Variants in ZNF236 observed in about 807,000 individuals in gnomAD.
The protein encoded by ZNF236 is zinc finger protein 236, also known as regulated by glucose.
Under a neutral mutation model 191.2 loss-of-function variants are expected in ZNF236, and 50 were observed. That is an observed-to-expected ratio of 0.26 (90% CI 0.21 to 0.33). The LOEUF is 0.33. Among genes scored for constraint, ZNF236 ranks in the 10% least tolerant of loss-of-function variants. The pLI is 1.00. For synonymous variants in ZNF236, 907 were observed against 928.8 expected (o/e 0.98, Z 0.43); for missense variants, 1,754 against 2,374.5 (o/e 0.74, Z 5.43).
intron 1 of ZNF236, chr18:76,834,469 C>CATCTGCT: frequency 2.6e-6 from 1 of 391,226 alleles, no homozygotes; most frequent in Non-Finnish European, 5.0e-6. Flanking sequence ...CTTATATTTG[C>CATCTGCT]CCTTTTACTT....
Position 76,928,040 on chromosome 18 carries a change from C to A in ZNF236, c.4528C>A (p.Gln1510Lys). Residue 1510 changes from glutamine (Q) to lysine (K), a missense_variant, in exon 25 of 31, where the codon CAG (glutamine) becomes AAG (lysine). By Grantham distance (53) the Gln-to-Lys change is moderately conservative. Transcript: ENST00000320610. Reference sequence around the variant, plus strand: ...CTCCAGCCTGAGCCAGGTCCTGGCACAGGCCGCTGGGCCCACTGCCACGTC... The same window carrying A: ...CTCCAGCCTGAGCCAGGTCCTGGCAAAGGCCGCTGGGCCCACTGCCACGTC... ...NNSSLSQVLA[Q>K]AAGPTATSSS... 6.2e-7 allele frequency: 1 copy of A among 1,614,008 alleles called. No individual in the cohort carries two copies. Among genetic ancestry groups the A allele is most frequent in the South Asian group, 1.1e-5 (1 of 91,072 alleles).
chr18:76,908,955 GTGTGTGTC>G (rs1599384357), intron 14 of ZNF236, among the ~76,000 whole-genome samples: 3 of 89,796 alleles, frequency 3.3e-5, no homozygotes, highest in Admixed American at 1.5e-4. Context: ...GTGTGTGTAT[GTGTGTGTC>G]TGTGTGTGTG....
In ZNF236 at chr18:76,956,088, TGCTCATGCACC is replaced by T; in HGVS notation, c.5019_5029del (p.Leu1674GlnfsTer48). 6.3e-7 allele frequency: 1 copy of T among 1,592,934 alleles called. No individual in the cohort carries two copies. Among genetic ancestry groups the T allele is most frequent in the Non-Finnish European group, 8.5e-7 (1 of 1,170,848 alleles). On this transcript the variant is annotated frameshift_variant, in exon 28 of 31. Transcript: ENST00000320610. LOFTEE classifies it high-confidence loss of function. ...GACCGCGCCTTCTCATCGGCGGCGG[TGCTCATGCACC>T]ACAGCAAGGAGGTGCATGGCCGGGA...
intron 3 of ZNF236, among the ~76,000 whole-genome samples, chr18:76,856,411 C>G (rs146035322): frequency 0.018 from 2,673 of 152,192 alleles, 31 homozygotes; most frequent in Middle Eastern, 0.02. Flanking sequence ...TCAAACTCCT[C>G]ACCTCAGGTG....
chr18:76,914,083 C>A (rs919887660), intron 18 of ZNF236, among the ~76,000 whole-genome samples, 185 bp downstream of exon 18: 1 of 152,194 alleles, frequency 6.6e-6, no homozygotes, highest in Non-Finnish European at 1.5e-5. Context: ...ATAAAAGAAA[C>A]TCTGTACCCA....
intron 1 of ZNF236, among the ~76,000 whole-genome samples, chr18:76,835,697 C>T (rs899696632): frequency 3.9e-5 from 6 of 152,114 alleles, no homozygotes; most frequent in Non-Finnish European, 5.9e-5. Flanking sequence ...ATATCTCTTG[C>T]AAGCAGCCTA....
intron 27 of ZNF236, among the ~76,000 whole-genome samples, chr18:76,954,401 C>G (rs1302567490): frequency 6.6e-6 from 1 of 152,176 alleles, no homozygotes; most frequent in African/African-American, 2.4e-5. Context: ...TTAGGTCGCT[C>G]CATAACTACA....
chr18:76,905,181 A>G lies in ZNF236; in HGVS notation c.2063A>G (p.Lys688Arg). 1.2e-6 allele frequency: 2 copies of G among 1,613,822 alleles called. No homozygotes were observed. The highest frequency in any genetic ancestry group is 1.7e-5 in the Admixed American group (1 of 59,982). Residue 688 changes from lysine (K) to arginine (R), a missense_variant, in exon 13 of 31, where the codon AAA (lysine) becomes AGA (arginine). By Grantham distance (26) the Lys-to-Arg change is conservative (BLOSUM62 2). Around this residue, in one of 5 missense-constraint regions of ZNF236, gnomAD observed 641 missense variants for 869.6 expected, o/e 0.74. Transcript: ENST00000320610. ...TCCCATACAGGTGAAAAACCTTTTA[A>G]ATGTTCTCAGTGTGGAAGAGGCTTT... ...IRSHTGEKPF[K>R]CSQCGRGFVS...
rs572039354 is a variant in ZNF236, at chr18:76,835,368, A to G, written c.55+12706A>G. ...TTCCATGTGCACTTGAAAAGAACAT[A>G]TATCTATTTTTTTCTGTCAGTTACT... On this transcript the variant is annotated intron_variant, in intron 1 of 30. Transcript: ENST00000320610. Among the ~76,000 whole-genome samples, 19 of 152,322 alleles carry G rather than the reference A, an allele frequency of 1.2e-4. No homozygotes were observed. The East Asian group carries it at 2.9e-3, about 23-fold the overall frequency.
chr18:76,921,448 G>A (rs888978472), intron 20 of ZNF236, among the ~76,000 whole-genome samples: 9 of 152,198 alleles, frequency 5.9e-5, no homozygotes, highest in African/African-American at 1.2e-4. Flanking sequence ...AACTTGAGAT[G>A]TTTATAAGAA....
chr18:76,857,114 T>C (rs1568197969), intron 3 of ZNF236, among the ~76,000 whole-genome samples: 1 of 151,596 alleles, frequency 6.6e-6, no homozygotes. Context: ...CTATGTGGGC[T>C]CCTTCTCTCG....
intron 1 of ZNF236, among the ~76,000 whole-genome samples, chr18:76,835,519 C>G (rs1975296229): frequency 1.7e-5 from 2 of 120,108 alleles, no homozygotes; most frequent in Admixed American, 1.7e-4. Context: ...GGTATAGTAA[C>G]TCTTATCATT....
At chr18:76,916,632 G>A (rs575110703) in intron 19 of ZNF236, among the ~76,000 whole-genome samples, 24 of 152,292 alleles carry the variant, frequency 1.6e-4, no homozygotes, top group African/African-American at 5.3e-4. Flanking sequence ...ATACAGTTAC[G>A]AATAGAGCAC....
Position 76,847,474 on chromosome 18 carries a change from AT to A in ZNF236, c.56-2042del, listed in dbSNP as rs111745619. ...TTATTTTATTTATTTTTATTTATTT[AT>A]TTTTTTTTTAGGCAGAGTCTCACTC... On this transcript the variant is annotated intron_variant, in intron 1 of 30. Coordinates refer to ENST00000320610, the MANE Select transcript of ZNF236 (RefSeq NM_001306089.2). Among the ~76,000 whole-genome samples the A allele has an allele frequency of 3.4e-4, 50 of 148,622 alleles. 1 individual carries two copies. Among genetic ancestry groups the A allele is most frequent in the Admixed American group, 1.4e-3 (21 of 14,910 alleles).
In ZNF236 at chr18:76,894,010, G is replaced by A. The variant is rs75052639; in HGVS notation, c.1418-1003G>A. Reference sequence around the variant, plus strand: ...AGTTAAATAAATTTTAGTTAAAAGTGTTCTGGTGAAATTTCATTAATGTGG... The same window carrying A: ...AGTTAAATAAATTTTAGTTAAAAGTATTCTGGTGAAATTTCATTAATGTGG... On this transcript the variant is annotated intron_variant, in intron 9 of 30. Coordinates refer to ENST00000320610, the MANE Select transcript of ZNF236 (RefSeq NM_001306089.2). Among the ~76,000 whole-genome samples the A allele has an allele frequency of 3.7e-3, 559 of 152,284 alleles. 5 individuals are homozygous for A. Among genetic ancestry groups the A allele is most frequent in the African/African-American group, 0.013 (540 of 41,554 alleles).
intron 19 of ZNF236, among the ~76,000 whole-genome samples, chr18:76,918,160 C>T (rs969170593): frequency 6.6e-6 from 1 of 152,138 alleles, no homozygotes; most frequent in Non-Finnish European, 1.5e-5. Context: ...CCCAGCCAAA[C>T]TTTTTTTCCT....
chr18:76,834,528 T>C (rs886519421), intron 1 of ZNF236: 9 of 491,884 alleles, frequency 1.8e-5, no homozygotes, highest in African/African-American at 3.9e-5. Context: ...TTTTGCGGTC[T>C]TTGTCCAGTT....
At chr18:76,967,566 GGT>G (rs1481193100) in intron 30 of ZNF236, among the ~76,000 whole-genome samples, 59 of 95,040 alleles carry the variant, frequency 6.2e-4, no homozygotes, top group African/African-American at 2.1e-3. Context: ...TGTTGGAGGT[GGT>G]GTGATCTGTG....
intron 1 of ZNF236, among the ~76,000 whole-genome samples, chr18:76,847,496 C>T (rs1246474643): frequency 6.6e-6 from 1 of 151,756 alleles, no homozygotes; most frequent in Non-Finnish European, 1.5e-5. Context: ...GGCAGAGTCT[C>T]ACTCTTTCAC....
Sources: allele counts gnomAD v4.1 joint callset (sites outside exome capture counted in the v4.1 genomes callset), GRCh38; gene constraint gnomAD v4.1.1; regional missense constraint gnomAD v4.1.1; transcripts MANE v1.5; gene names NCBI Gene and HGNC (gene_info 2026-07-23, HGNC 2026-07-21).